The following CLSTN2 variants were observed in gnomAD, a reference collection of about 807,000 sequenced individuals.
CLSTN2 encodes the protein calsyntenin 2.
A neutral mutation model predicts 101.2 loss-of-function variants in CLSTN2; 48 were observed. That is an observed-to-expected ratio of 0.47 (90% CI 0.38 to 0.60). CLSTN2 has a LOEUF of 0.60. Among genes scored for constraint, CLSTN2 ranks in the 20% least tolerant of loss-of-function variants. The probability of loss-of-function intolerance (pLI) is 0.00; values close to 1 mark genes in which losing one functional copy is unlikely to be tolerated. For synonymous variants in CLSTN2, 481 were observed against 463.6 expected (o/e 1.04, Z -0.48); for missense variants, 1,160 against 1,238.2 (o/e 0.94, Z 0.95).
chr3:140,240,172 C>CTATATATA (rs1456012774), intron 2 of CLSTN2, among the ~76,000 whole-genome samples: 3 of 13,768 alleles, frequency 2.2e-4, no homozygotes, highest in Non-Finnish European at 9.3e-4. Context: ...CTCTCTCTCT[C>CTATATATA]TCTATATATA....
chr3:140,213,135 A>C (rs2010878483), intron 2 of CLSTN2, among the ~76,000 whole-genome samples: 1 of 152,208 alleles, frequency 6.6e-6, no homozygotes, highest in African/African-American at 2.4e-5. Flanking sequence ...TTAAGCAAAA[A>C]AGGAAGAAAA....
chr3:140,219,483 A>C (rs2086245983), intron 2 of CLSTN2, among the ~76,000 whole-genome samples: 1 of 152,136 alleles, frequency 6.6e-6, no homozygotes, highest in Non-Finnish European at 1.5e-5. Flanking sequence ...ACAAGATGGC[A>C]TTTTATCTGG....
intron 1 of CLSTN2, among the ~76,000 whole-genome samples, chr3:140,076,139 T>C (rs1038192565): frequency 2.0e-5 from 3 of 152,214 alleles, no homozygotes; most frequent in African/African-American, 7.2e-5. Flanking sequence ...ACATACCTCA[T>C]GTAAGTGGAA....
At chr3:140,269,416 G>C (rs905002396) in intron 2 of CLSTN2, among the ~76,000 whole-genome samples, 144 of 152,332 alleles carry the variant, frequency 9.5e-4, no homozygotes, top group African/African-American at 3.2e-3. Context: ...TGGTGCCTGA[G>C]TGTTTTGGAA....
At chr3:139,993,213 G>A (rs906756112) in intron 1 of CLSTN2, among the ~76,000 whole-genome samples, 1 of 152,080 alleles carries the variant, frequency 6.6e-6, no homozygotes, top group South Asian at 2.1e-4. Flanking sequence ...TATTCCAAGA[G>A]TACCTCTTGG....
intron 1 of CLSTN2, among the ~76,000 whole-genome samples, chr3:140,037,228 G>A (rs1304988777): frequency 6.6e-6 from 1 of 152,116 alleles, no homozygotes; most frequent in Non-Finnish European, 1.5e-5. Flanking sequence ...AACCCTTTAT[G>A]TACCTATTAC....
chr3:140,239,430 T>G (rs2086441308), intron 2 of CLSTN2, among the ~76,000 whole-genome samples: 1 of 152,180 alleles, frequency 6.6e-6, no homozygotes, highest in Admixed American at 6.6e-5. Context: ...GCTTAGAAAT[T>G]TTACTTCATA....
Position 140,403,751 on chromosome 3 carries a change from G to A in CLSTN2, c.355G>A (p.Glu119Lys), listed in dbSNP as rs982965308. The A allele has an allele frequency of 6.2e-7, 1 of 1,614,186 alleles. No homozygotes were observed. Among genetic ancestry groups the A allele is most frequent in the Non-Finnish European group, 8.5e-7 (1 of 1,180,032 alleles). Residue 119 changes from glutamate (E) to lysine (K), a missense_variant, in exon 3 of 17, where the codon GAG (glutamate) becomes AAG (lysine). Glu to Lys is a moderately conservative substitution (Grantham distance 56). Coordinates refer to ENST00000458420, the MANE Select transcript of CLSTN2 (RefSeq NM_022131.3). ...CCCCATTGACTGTGAGTTGCAGAAGGAGTACACATTCATCATCCAGGCCTA... is the reference window on the plus strand; with the variant it reads ...CCCCATTGACTGTGAGTTGCAGAAGAAGTACACATTCATCATCCAGGCCTA... ...KSPIDCELQK[E>K]YTFIIQAYDC... is the part of the protein sequence containing the mutation.
intron 1 of CLSTN2, among the ~76,000 whole-genome samples, chr3:140,161,026 C>A (rs1262754723): frequency 6.6e-6 from 1 of 152,154 alleles, no homozygotes; most frequent in East Asian, 1.9e-4. Context: ...ACACTTAACA[C>A]ACACGGAGCA....
chr3:139,986,405 AG>A (rs967118288), intron 1 of CLSTN2, among the ~76,000 whole-genome samples: 10 of 152,212 alleles, frequency 6.6e-5, no homozygotes, highest in African/African-American at 2.4e-4. Flanking sequence ...TGAGCCAGAG[AG>A]GCTCAGTATC....
intron 2 of CLSTN2, among the ~76,000 whole-genome samples, chr3:140,323,032 A>G (rs1354203156): frequency 1.3e-5 from 2 of 152,170 alleles, no homozygotes; most frequent in African/African-American, 4.8e-5. Context: ...TCTTTCTCTG[A>G]TGTATTATAT....
chr3:140,280,256 T>C (rs2086832261), intron 2 of CLSTN2, among the ~76,000 whole-genome samples: 1 of 152,218 alleles, frequency 6.6e-6, no homozygotes, highest in Admixed American at 6.5e-5. Flanking sequence ...ATATCCATGT[T>C]CTCTCCCGTA....
intron 1 of CLSTN2, among the ~76,000 whole-genome samples, chr3:140,001,823 G>A (rs1194664154): frequency 6.6e-6 from 1 of 151,378 alleles, no homozygotes; most frequent in Non-Finnish European, 1.5e-5. Context: ...ATCTTCATGA[G>A]TTCAATTGTT....
At chr3:140,087,213 C>T (rs1051599981) in intron 1 of CLSTN2, among the ~76,000 whole-genome samples, 2 of 152,084 alleles carry the variant, frequency 1.3e-5, no homozygotes, top group African/African-American at 2.4e-5. Context: ...TCCATTTAAC[C>T]TTTGCTGAAC....
intron 2 of CLSTN2, among the ~76,000 whole-genome samples, chr3:140,240,789 T>G (rs2086460883): frequency 6.6e-6 from 1 of 152,146 alleles, no homozygotes; most frequent in African/African-American, 2.4e-5. Context: ...AGACTGATCA[T>G]TGGGTAAAAG....
At chr3:140,359,564 A>G (rs1396743266) in intron 2 of CLSTN2, among the ~76,000 whole-genome samples, 1 of 152,222 alleles carries the variant, frequency 6.6e-6, no homozygotes, top group African/African-American at 2.4e-5. Context: ...ACTTAATGGC[A>G]TAATTACTCC....
chr3:140,351,467 A>G (rs532028404), intron 2 of CLSTN2, among the ~76,000 whole-genome samples: 11 of 152,226 alleles, frequency 7.2e-5, no homozygotes, highest in Non-Finnish European at 1.3e-4. Flanking sequence ...AGTACAAAAT[A>G]TCTGCACCCT....
intron 8 of CLSTN2, among the ~76,000 whole-genome samples, chr3:140,516,073 T>C (rs1279345090): frequency 6.6e-6 from 1 of 152,248 alleles, no homozygotes; most frequent in Non-Finnish European, 1.5e-5. Context: ...CAAGTACTTT[T>C]ATCATTATGT....
At chr3:140,498,803 G>A (rs925945858) in intron 8 of CLSTN2, among the ~76,000 whole-genome samples, 1 of 152,066 alleles carries the variant, frequency 6.6e-6, no homozygotes, top group Non-Finnish European at 1.5e-5. Context: ...ACACTTGAAT[G>A]GAATGTCTCA....
Sources: allele counts gnomAD v4.1 joint callset (sites outside exome capture counted in the v4.1 genomes callset), GRCh38; gene constraint gnomAD v4.1.1; transcripts MANE v1.5; gene names NCBI Gene and HGNC (gene_info 2026-07-23, HGNC 2026-07-21).